Variants in MRTFA observed in about 807,000 individuals in gnomAD.
The protein encoded by MRTFA is myocardin related transcription factor A.
Under a neutral mutation model 83.5 loss-of-function variants are expected in MRTFA, and 20 were observed. That is an observed-to-expected ratio of 0.24 (90% confidence interval 0.17 to 0.35). MRTFA has a LOEUF of 0.35. Ranked by LOEUF, MRTFA falls within the 10% of genes least tolerant of loss-of-function variation. The pLI is 1.00. For missense variants in MRTFA, 1,200 were observed against 1,224.7 expected (o/e 0.98, Z 0.30); for synonymous variants, 659 against 541.2 (o/e 1.22, Z -3.02).
chr22:40,466,567 T>C (rs1262465346), intron 3 of MRTFA, among the ~76,000 whole-genome samples: 1 of 152,222 alleles, frequency 6.6e-6, no homozygotes, highest in Non-Finnish European at 1.5e-5. Flanking sequence ...CAAATAATTG[T>C]CATCTTTTAG....
At chr22:40,634,504 G>A (rs1336246822) in intron 1 of MRTFA, among the ~76,000 whole-genome samples, 1 of 152,148 alleles carries the variant, frequency 6.6e-6, no homozygotes, top group Non-Finnish European at 1.5e-5. Context: ...TACATCCACA[G>A]GAAAAGCTCC....
intron 2 of MRTFA, among the ~76,000 whole-genome samples, chr22:40,574,113 A>G (rs2055835816): frequency 6.6e-6 from 1 of 152,258 alleles, no homozygotes; most frequent in African/African-American, 2.4e-5. Context: ...GCATGGTGGT[A>G]AAAACAAACA....
At chr22:40,560,900 G>A (rs1318302511) in intron 2 of MRTFA, among the ~76,000 whole-genome samples, 1 of 152,150 alleles carries the variant, frequency 6.6e-6, no homozygotes, top group African/African-American at 2.4e-5. Context: ...ATGGAAGAAC[G>A]TAGACAGCTA....
At chr22:40,446,886 T>C (rs1602255760) in intron 4 of MRTFA, among the ~76,000 whole-genome samples, 1 of 152,234 alleles carries the variant, frequency 6.6e-6, no homozygotes, top group Admixed American at 6.5e-5. Flanking sequence ...TGTTTTAGTG[T>C]TGGGTTATTC....
At chr22:40,582,394 T>C (rs567153196) in intron 2 of MRTFA, among the ~76,000 whole-genome samples, 1 of 152,372 alleles carries the variant, frequency 6.6e-6, no homozygotes, top group African/African-American at 2.4e-5. Flanking sequence ...TAAAAGTTTC[T>C]GTGTTGGTAT....
At chr22:40,535,583 G>C (rs2055157627) in intron 3 of MRTFA, among the ~76,000 whole-genome samples, 1 of 151,962 alleles carries the variant, frequency 6.6e-6, no homozygotes. Context: ...GAACTCCTAA[G>C]CTCAAGTGAT....
At chr22:40,623,764 C>T (rs991093777) in intron 1 of MRTFA, among the ~76,000 whole-genome samples, 1 of 152,124 alleles carries the variant, frequency 6.6e-6, no homozygotes, top group African/African-American at 2.4e-5. Context: ...GGGTTAAATG[C>T]TTTACATTCA....
At chr22:40,420,322 C>T in intron 11 of MRTFA, 83 bp downstream of exon 11, 5 of 1,498,956 alleles carry the variant, frequency 3.3e-6, no homozygotes, top group South Asian at 2.5e-5. Flanking sequence ...TGGCTGCCTT[C>T]CCTGCCTAAA....
At chr22:40,502,438 G>A (rs1247288167) in intron 3 of MRTFA, among the ~76,000 whole-genome samples, 1 of 130,760 alleles carries the variant, frequency 7.6e-6, no homozygotes, top group Non-Finnish European at 1.6e-5. Context: ...GCGGGGCAGA[G>A]GCGCTCCCCA....
intron 3 of MRTFA, among the ~76,000 whole-genome samples, chr22:40,479,422 C>T (rs905180936): frequency 6.6e-6 from 1 of 152,090 alleles, no homozygotes; most frequent in African/African-American, 2.4e-5. Context: ...CTGCTGCTGG[C>T]CGGCCTTTCC....
intron 1 of MRTFA, among the ~76,000 whole-genome samples, chr22:40,635,905 G>A (rs1173593495): frequency 2.0e-5 from 3 of 152,158 alleles, no homozygotes; most frequent in Non-Finnish European, 4.4e-5. Flanking sequence ...AGTATCAAAG[G>A]TACCCGAAGC....
chr22:40,457,493 A>G (rs368716288), intron 4 of MRTFA, among the ~76,000 whole-genome samples: 6 of 143,222 alleles, frequency 4.2e-5, no homozygotes, highest in South Asian at 2.2e-4. Flanking sequence ...AAAGAAGGAA[A>G]GAAAGAAAGA....
chr22:40,451,975 GTTTTTTTTTTTTTT>G (rs771103539), intron 4 of MRTFA, among the ~76,000 whole-genome samples: 2 of 80,476 alleles, frequency 2.5e-5, no homozygotes, highest in Middle Eastern at 0.012. Flanking sequence ...TTTTTTTTTG[GTTTTTTTTTTTTTT>G]TTTTTTTTTT....
chr22:40,629,457 A>G (rs1267095518), intron 1 of MRTFA, among the ~76,000 whole-genome samples: 1 of 116,668 alleles, frequency 8.6e-6, no homozygotes, highest in Non-Finnish European at 2.0e-5. Context: ...AAACATAATT[A>G]AAAAAAAAAA....
At chr22:40,583,346 T>C (rs996828499) in intron 2 of MRTFA, among the ~76,000 whole-genome samples, 1 of 152,198 alleles carries the variant, frequency 6.6e-6, no homozygotes, top group Non-Finnish European at 1.5e-5. Context: ...ACCTTATCTT[T>C]TCTAAAGCTA....
At chr22:40,445,274 T>C (rs2053354543) in intron 4 of MRTFA, among the ~76,000 whole-genome samples, 1 of 152,192 alleles carries the variant, frequency 6.6e-6, no homozygotes, top group South Asian at 2.1e-4. Flanking sequence ...ATTTATTCTC[T>C]TTCTCTCATA....
chr22:40,622,040 T>C (rs1162982123), intron 1 of MRTFA, among the ~76,000 whole-genome samples: 2 of 152,224 alleles, frequency 1.3e-5, no homozygotes, highest in East Asian at 3.9e-4. Flanking sequence ...GAGATGGGTG[T>C]ATTTTGCCTG....
intron 1 of MRTFA, among the ~76,000 whole-genome samples, chr22:40,596,861 G>A (rs1433274223): frequency 6.6e-6 from 1 of 151,940 alleles, no homozygotes; most frequent in East Asian, 1.9e-4. Flanking sequence ...TGTAATCCCA[G>A]CTACTCGGGA....
chr22:40,619,688 G>T (rs1276453439), intron 1 of MRTFA, among the ~76,000 whole-genome samples: 1 of 151,878 alleles, frequency 6.6e-6, no homozygotes, highest in Non-Finnish European at 1.5e-5. Flanking sequence ...AGGAGATCGA[G>T]ACCATCCTGG....
Sources: gnomAD v4.1 joint callset for allele counts (sites outside exome capture counted in the v4.1 genomes callset) on GRCh38, gnomAD v4.1.1 for gene constraint, MANE v1.5 for transcripts, NCBI Gene and HGNC (gene_info 2026-07-23, HGNC 2026-07-21) for gene names.